The following CBLN4 variants were observed in gnomAD, a reference collection of about 807,000 sequenced individuals.
CBLN4 encodes cerebellin-4.
A neutral mutation model predicts 14.9 loss-of-function variants in CBLN4; 7 were observed. The ratio of observed to expected loss-of-function variants is 0.47; its 90% confidence interval spans 0.27 to 0.88. The LOEUF is 0.88. Among genes scored for constraint, CBLN4 ranks in the 40% least tolerant of loss-of-function variants. The pLI, the probability that CBLN4 is intolerant of heterozygous loss-of-function variation, is 0.14. For missense variants in CBLN4, 188 were observed against 256.8 expected (o/e 0.73, Z 1.83); for synonymous variants, 131 against 116.5 (o/e 1.12, Z -0.80).
At chr20:56,003,246 C>G (rs1319399609) in intron 1 of CBLN4, among the ~76,000 whole-genome samples, 1 of 152,186 alleles carries the variant, frequency 6.6e-6, no homozygotes, top group East Asian at 1.9e-4. Context: ...CAACTTTTCT[C>G]TAAGTACCGG....
Position 56,000,741 on chromosome 20 carries a change from T to A in CBLN4, c.398A>T (p.Gln133Leu). Reference protein sequence around the residue: ...SFHVIKVYQSQTIQVNLMLNG... With the variant: ...SFHVIKVYQSLTIQVNLMLNG... Reference sequence around the variant, plus strand: ...GGTCAAAACACACACCTGGATAGTTTGGCTCTGGTAGACTTTAATCACGTG... The same window carrying A: ...GGTCAAAACACACACCTGGATAGTTAGGCTCTGGTAGACTTTAATCACGTG... The change falls in exon 2 of 3, where the codon CAA becomes CTA. Residue 133 changes from glutamine (Q) to leucine (L), a missense_variant. Gln to Leu is a moderately radical substitution (Grantham distance 113). This residue lies in a region of CBLN4 where 93 missense variants were observed against 157.7 expected (regional missense o/e 0.59). Transcript: ENST00000064571. 1 of 1,583,774 alleles carries A rather than the reference T, an allele frequency of 6.3e-7. No individual in the cohort carries two copies. The highest frequency in any genetic ancestry group is 2.3e-5 in the East Asian group (1 of 43,514).
At chr20:55,999,142 C>T (rs987214467) in intron 2 of CBLN4, among the ~76,000 whole-genome samples, 3 of 152,174 alleles carry the variant, frequency 2.0e-5, no homozygotes, top group East Asian at 3.8e-4. Flanking sequence ...AAAAGAGACC[C>T]TCTGCCCACT....
At chr20:56,002,456 T>A (rs1600861933) in intron 1 of CBLN4, among the ~76,000 whole-genome samples, 1 of 152,320 alleles carries the variant, frequency 6.6e-6, no homozygotes, top group Non-Finnish European at 1.5e-5. Flanking sequence ...AGCATCCAGG[T>A]ACATCGAGAT....
chr20:56,000,570 A>G (rs1986351571), intron 2 of CBLN4, among the ~76,000 whole-genome samples, 161 bp downstream of exon 2: 1 of 152,262 alleles, frequency 6.6e-6, no homozygotes, highest in African/African-American at 2.4e-5. Flanking sequence ...TGGATGTTAA[A>G]GAGAAAAAAA....
In CBLN4 at chr20:56,004,305, C is replaced by A. The variant is rs2145960815; in HGVS notation, c.-134G>T. ...GCTGCAGGAGCGACGGCGGCGGCGG[C>A]GCGCACACTTCCACCAATTCTGTGG... On this transcript the variant is annotated 5_prime_UTR_variant, in exon 1 of 3. Coordinates refer to ENST00000064571, the MANE Select transcript of CBLN4 (RefSeq NM_080617.6). This position sits in a 1 kb window ranked among gnomAD's most constrained non-coding sequence, Gnocchi z 6.1. 3.6e-6 allele frequency: 3 copies of A among 821,922 alleles called. No individual in the cohort carries two copies. The highest frequency in any genetic ancestry group is 4.7e-5 in the South Asian group (2 of 42,816). 50.9% of individuals were successfully genotyped at this position (821,922 alleles called of 1,614,324 possible).
chr20:56,000,554 T>C (rs1568831826), intron 2 of CBLN4, among the ~76,000 whole-genome samples, 177 bp downstream of exon 2: 1 of 152,228 alleles, frequency 6.6e-6, no homozygotes, highest in Non-Finnish European at 1.5e-5. Context: ...TTTTGTCACG[T>C]CTTAATGGAT....
chr20:56,003,869 C>T lies in CBLN4; in HGVS notation c.291+12G>A, dbSNP rs769874946. On this transcript the variant is annotated intron_variant, in intron 1 of 2. Transcript: ENST00000064571. ...CCCACCCCCTAGGTGCTCGCTTCCCCCCGGGTCTGACCTGATCGAAGTAAA... is the reference window on the plus strand; with the variant it reads ...CCCACCCCCTAGGTGCTCGCTTCCCTCCGGGTCTGACCTGATCGAAGTAAA... The T allele has an allele frequency of 6.3e-7, 1 of 1,586,250 alleles. No homozygotes were observed. Among genetic ancestry groups the T allele is most frequent in the Non-Finnish European group, 8.6e-7 (1 of 1,162,926 alleles).
chr20:56,002,883 C>T (rs369164310), intron 1 of CBLN4, among the ~76,000 whole-genome samples: 35 of 152,346 alleles, frequency 2.3e-4, no homozygotes, highest in African/African-American at 8.2e-4. Flanking sequence ...CTGCACATTG[C>T]AGCTTTGCAT....
Position 55,997,495 on chromosome 20 carries a change from T to C in CBLN4, c.*1062A>G, listed in dbSNP as rs1047070053. The C allele has an allele frequency of 6.6e-6, 1 of 152,578 alleles. No homozygotes were observed. Among genetic ancestry groups the C allele is most frequent in the African/African-American group, 2.4e-5 (1 of 41,448 alleles). The allele number at this position is 152,578 out of a possible 1,614,324, so 9.5% of individuals were successfully genotyped here. ...ACATAAATAATTTTATGAATTCATA[T>C]GACCTATACAAAAGACAAGATATTG... On this transcript the variant is annotated 3_prime_UTR_variant, in exon 3 of 3. Coordinates refer to ENST00000064571, the MANE Select transcript of CBLN4 (RefSeq NM_080617.6).
At chr20:55,998,844 C>A (rs1986323177) in intron 2 of CBLN4, 90 bp from the exon 3 acceptor site, 4 of 994,030 alleles carry the variant, frequency 4.0e-6, no homozygotes, top group Admixed American at 4.1e-5. Flanking sequence ...AGATGATAGA[C>A]CCAGTAAAAT....
chr20:55,998,793 T>C (rs770390308), intron 2 of CBLN4, 39 bp from the exon 3 acceptor site: 7 of 1,508,552 alleles, frequency 4.6e-6, no homozygotes, highest in South Asian at 4.6e-5. Context: ...AAAGTTCTCT[T>C]TAAAGTCAAA....
intron 2 of CBLN4, among the ~76,000 whole-genome samples, chr20:55,999,175 C>A (rs1304983434): frequency 6.6e-6 from 1 of 152,164 alleles, no homozygotes; most frequent in Non-Finnish European, 1.5e-5. Flanking sequence ...CCAGATACAA[C>A]CCAATCCTAC....
intron 1 of CBLN4, among the ~76,000 whole-genome samples, chr20:56,002,828 G>T (rs1422315763): frequency 6.6e-6 from 1 of 152,204 alleles, no homozygotes; most frequent in South Asian, 2.1e-4. Flanking sequence ...ATGTCACCTC[G>T]TGCTTTCCCT....
chr20:56,002,093 G>T (rs1986383945), intron 1 of CBLN4, among the ~76,000 whole-genome samples: 1 of 152,054 alleles, frequency 6.6e-6, no homozygotes, highest in South Asian at 2.1e-4. Context: ...TATTACCTCT[G>T]GGCAACATAC....
intron 2 of CBLN4, 140 bp downstream of exon 2, chr20:56,000,589 TAA>T: frequency 2.3e-6 from 1 of 439,844 alleles, no homozygotes; most frequent in African/African-American, 2.0e-5. Flanking sequence ...AATTAGAAAT[TAA>T]GTGTTTTAAA....
intron 1 of CBLN4, among the ~76,000 whole-genome samples, chr20:56,002,848 T>C: frequency 6.6e-6 from 1 of 152,230 alleles, no homozygotes; most frequent in East Asian, 1.9e-4. Flanking sequence ...TGGCACATCC[T>C]GCAACACCAC....
Position 55,998,737 on chromosome 20 carries a change from A to G in CBLN4, c.426T>C (p.Asn142=), listed in dbSNP as rs762036724. The stretch of plus-strand genomic sequence containing the variant: ...CAAAGGCAGATATTACTGGTTTTCC[A>G]TTTAACATCAAGTTAACCTAGAAGA... ...SQTIQVNLML[N]GKPVISAFAG... is the part of the protein sequence containing the mutation. Residue 142 remains asparagine, a synonymous_variant, in exon 3 of 3, where the codon AAT becomes AAC. Transcript: ENST00000064571. 4 of 1,613,772 alleles carry G rather than the reference A, an allele frequency of 2.5e-6. No homozygotes were observed. Among genetic ancestry groups the G allele is most frequent in the African/African-American group, 1.3e-5 (1 of 74,952 alleles).
Position 55,997,379 on chromosome 20 carries a change from AAG to A in CBLN4, c.*1176_*1177del, listed in dbSNP as rs1407305800. 2 of 152,532 alleles carry A rather than the reference AAG, an allele frequency of 1.3e-5. No individual in the cohort carries two copies. Among genetic ancestry groups the A allele is most frequent in the African/African-American group, 4.8e-5 (2 of 41,460 alleles). 9.4% of individuals were successfully genotyped at this position (152,532 alleles called of 1,614,324 possible). A position where few individuals can be genotyped will look rare whatever the true frequency, so the allele number is the denominator to read the frequency against. ...AGAAAGGGTTAAGAAGAGACAAAGT[AAG>A]AGGAAATAAATAATGTAGAATACAT... On this transcript the variant is annotated 3_prime_UTR_variant, in exon 3 of 3. Transcript: ENST00000064571.
chr20:56,002,744 C>T (rs556157626), intron 1 of CBLN4, among the ~76,000 whole-genome samples: 1 of 152,252 alleles, frequency 6.6e-6, no homozygotes, highest in South Asian at 2.1e-4. Context: ...AATACTAAGC[C>T]CCTAGAGAGG....
Sources: allele counts gnomAD v4.1 joint callset (sites outside exome capture counted in the v4.1 genomes callset), GRCh38; gene constraint gnomAD v4.1.1; regional missense constraint gnomAD v4.1.1; non-coding constraint Gnocchi (gnomAD v3.1); transcripts MANE v1.5; gene names NCBI Gene and HGNC (gene_info 2026-07-23, HGNC 2026-07-21).